The following TTC27 variants were observed in gnomAD, a reference collection of about 807,000 sequenced individuals.
TTC27 encodes tetratricopeptide repeat domain 27.
A neutral mutation model predicts 115.9 loss-of-function variants in TTC27; 79 were observed. The ratio of observed to expected loss-of-function variants is 0.68; its 90% CI spans 0.57 to 0.82. The LOEUF is 0.82. Among genes scored for constraint, TTC27 ranks in the 40% least tolerant of loss-of-function variants. The pLI is 0.00. For synonymous variants in TTC27, 401 were observed against 356.0 expected (o/e 1.13, Z -1.42); for missense variants, 1,054 against 993.1 (o/e 1.06, Z -0.82).
intron 19 of TTC27, among the ~76,000 whole-genome samples, chr2:32,818,884 A>G (rs1671593046): frequency 6.6e-6 from 1 of 152,124 alleles, no homozygotes; most frequent in African/African-American, 2.4e-5. Context: ...TCTTTAAATA[A>G]TTAACTTACT....
At chr2:32,695,718 CAAAAAA>C (rs66677186) in intron 9 of TTC27, among the ~76,000 whole-genome samples, 1 of 29,706 alleles carries the variant, frequency 3.4e-5, no homozygotes, top group Non-Finnish European at 5.5e-5. Context: ...GGCTCTATCT[CAAAAAA>C]AAAAAAAAAA....
At chr2:32,662,891 C>T (rs539542223) in intron 5 of TTC27, among the ~76,000 whole-genome samples, 3 of 152,264 alleles carry the variant, frequency 2.0e-5, no homozygotes, top group East Asian at 3.9e-4. Flanking sequence ...TTAGACCTTT[C>T]CTGCTTTCTC....
intron 4 of TTC27, among the ~76,000 whole-genome samples, chr2:32,647,644 G>A (rs776671847): frequency 1.3e-5 from 2 of 152,160 alleles, no homozygotes; most frequent in East Asian, 1.9e-4. Context: ...AGAAGGGAAC[G>A]TCTTAGTCAA....
At chr2:32,669,365 G>A (rs1665922035) in intron 7 of TTC27, among the ~76,000 whole-genome samples, 1 of 152,212 alleles carries the variant, frequency 6.6e-6, no homozygotes, top group Non-Finnish European at 1.5e-5. Flanking sequence ...ACTACTTGAA[G>A]ATGGAGAGTA....
chr2:32,712,696 C>A (rs1030331645), intron 10 of TTC27, among the ~76,000 whole-genome samples: 3 of 151,832 alleles, frequency 2.0e-5, no homozygotes, highest in Admixed American at 6.6e-5. Flanking sequence ...TACAGGTGTG[C>A]GTCACCACGT....
intron 10 of TTC27, among the ~76,000 whole-genome samples, chr2:32,708,328 A>ATTTTTTTTTTTTTTTTTTTTTTTT (rs1667456825): frequency 2.4e-5 from 1 of 41,938 alleles, no homozygotes; most frequent in Non-Finnish European, 4.5e-5. Context: ...TTTTTTTTTA[A>ATTTTTTTTTTTTTTTTTTTTTTTT]TGAGATGGAG....
chr2:32,726,922 AG>A (rs1310099791), intron 10 of TTC27, among the ~76,000 whole-genome samples: 1 of 152,234 alleles, frequency 6.6e-6, no homozygotes, highest in Non-Finnish European at 1.5e-5. Context: ...AGTCAAAGAA[AG>A]AGAGCTTTTG....
At chr2:32,712,404 A>C (rs542020137) in intron 10 of TTC27, among the ~76,000 whole-genome samples, 5 of 152,312 alleles carry the variant, frequency 3.3e-5, no homozygotes, top group African/African-American at 1.2e-4. Flanking sequence ...AAACTATTTT[A>C]ATGGCTATGA....
chr2:32,662,461 A>G (rs1665585427), intron 5 of TTC27, among the ~76,000 whole-genome samples: 1 of 152,170 alleles, frequency 6.6e-6, no homozygotes, highest in Non-Finnish European at 1.5e-5. Flanking sequence ...CTATTGGTCT[A>G]TTCAGGGATT....
intron 18 of TTC27, among the ~76,000 whole-genome samples, chr2:32,815,094 T>C (rs1191756621): frequency 6.6e-6 from 1 of 152,132 alleles, no homozygotes; most frequent in Non-Finnish European, 1.5e-5. Flanking sequence ...ACATTTATAG[T>C]TTCTGCTATT....
chr2:32,782,229 C>T (rs1463882509), intron 14 of TTC27, among the ~76,000 whole-genome samples: 2 of 152,020 alleles, frequency 1.3e-5, no homozygotes, highest in Admixed American at 6.5e-5. Context: ...TTCTTAACCC[C>T]CCTATCCGGT....
chr2:32,752,146 G>T (rs1055686200), intron 12 of TTC27, among the ~76,000 whole-genome samples: 1 of 152,090 alleles, frequency 6.6e-6, no homozygotes, highest in Non-Finnish European at 1.5e-5. Flanking sequence ...AACCACCCCC[G>T]TTAAAATCAG....
chr2:32,669,359 C>T (rs1665921849), intron 7 of TTC27, among the ~76,000 whole-genome samples: 1 of 152,134 alleles, frequency 6.6e-6, no homozygotes, highest in Non-Finnish European at 1.5e-5. Flanking sequence ...TTAATTACTA[C>T]TTGAAGATGG....
chr2:32,665,869 A>C (rs977955211), intron 6 of TTC27, among the ~76,000 whole-genome samples: 5 of 152,200 alleles, frequency 3.3e-5, no homozygotes, highest in African/African-American at 1.2e-4. Context: ...ATAGCCTGGC[A>C]ACAGAGCAGG....
At chr2:32,798,538 C>T (rs923338435) in intron 16 of TTC27, among the ~76,000 whole-genome samples, 2 of 151,836 alleles carry the variant, frequency 1.3e-5, no homozygotes, top group East Asian at 3.9e-4. Context: ...CCTGTCTCTA[C>T]TAAAAATACA....
At chr2:32,711,004 C>G (rs1445127473) in intron 10 of TTC27, among the ~76,000 whole-genome samples, 1 of 150,578 alleles carries the variant, frequency 6.6e-6, no homozygotes, top group Non-Finnish European at 1.5e-5. Context: ...GTAATCTCTG[C>G]TACTCGAGAG....
intron 4 of TTC27, among the ~76,000 whole-genome samples, chr2:32,642,247 A>T (rs1345978246): frequency 3.9e-5 from 4 of 102,150 alleles, no homozygotes; most frequent in East Asian, 3.0e-4. Context: ...TATACACTAA[A>T]TTTTTTTTTT....
intron 10 of TTC27, among the ~76,000 whole-genome samples, chr2:32,703,867 A>G (rs1410014952): frequency 6.6e-6 from 1 of 152,248 alleles, no homozygotes; most frequent in Non-Finnish European, 1.5e-5. Context: ...TTTATAAAGT[A>G]CTGAAATTCA....
At chr2:32,692,036 G>GT (rs779547700) in intron 9 of TTC27, among the ~76,000 whole-genome samples, 12,925 of 59,740 alleles carry the variant, frequency 0.22, 3,667 homozygotes, top group East Asian at 0.44. Flanking sequence ...AATTTTTTAG[G>GT]TTTTTTTTTT....
Sources: gnomAD v4.1 joint callset for allele counts (sites outside exome capture counted in the v4.1 genomes callset) on GRCh38, gnomAD v4.1.1 for gene constraint, MANE v1.5 for transcripts, NCBI Gene and HGNC (gene_info 2026-07-23, HGNC 2026-07-21) for gene names.